The following PLA2G6 variants were observed in gnomAD, a reference collection of about 807,000 sequenced individuals.
PLA2G6 encodes phospholipase A2 group VI.
A neutral mutation model predicts 83.8 loss-of-function variants in PLA2G6; 62 were observed. That is an observed-to-expected ratio of 0.74 (90% confidence interval 0.60 to 0.91). The LOEUF is 0.91. Among genes scored for constraint, PLA2G6 ranks in the 40% least tolerant of loss-of-function variants. The pLI is 0.00. For missense variants in PLA2G6, 944 were observed against 1,102.0 expected (o/e 0.86, Z 2.03); for synonymous variants, 417 against 449.8 (o/e 0.93, Z 0.92).
At chr22:38,127,116 C>T in intron 9 of PLA2G6, 1 of 1,119,400 alleles carries the variant, frequency 8.9e-7, no homozygotes, top group Non-Finnish European at 1.1e-6. Flanking sequence ...CCCCAGGTGC[C>T]TGGTGCAGCA....
intron 2 of PLA2G6, among the ~76,000 whole-genome samples, chr22:38,155,699 A>G (rs1159026204): frequency 6.6e-6 from 1 of 152,222 alleles, no homozygotes; most frequent in Admixed American, 6.5e-5. Flanking sequence ...AAAAAATAAA[A>G]AGCAAGAAAT....
Position 38,128,444 on chromosome 22 carries a change from G to T in PLA2G6, c.1187-14C>A. ...TCCTGGTGACAACTTGTCATGGTTT[G>T]GGGAAGGGGAGATGGCACAGGATCA... On this transcript the variant is annotated splice_polypyrimidine_tract_variant and intron_variant, in intron 8 of 16. Coordinates refer to ENST00000332509, the MANE Select transcript of PLA2G6 (RefSeq NM_003560.4). The surrounding 1 kb of genome is among the most constrained non-coding windows in gnomAD (Gnocchi z 4.4). The T allele has an allele frequency of 6.2e-7, 1 of 1,613,822 alleles. No individual in the cohort carries two copies. Among genetic ancestry groups the T allele is most frequent in the African/African-American group, 1.3e-5 (1 of 75,048 alleles).
At chr22:38,177,458 CT>C (rs72012543) in intron 1 of PLA2G6, among the ~76,000 whole-genome samples, 29,881 of 115,494 alleles carry the variant, frequency 0.26, 3,083 homozygotes, top group South Asian at 0.32. Flanking sequence ...TAAATTGCCA[CT>C]TTTTTTTTTT....
intron 16 of PLA2G6, 56 bp from the exon 17 acceptor site, chr22:38,112,361 C>G: frequency 6.3e-7 from 1 of 1,593,358 alleles, no homozygotes; most frequent in Non-Finnish European, 8.6e-7. Context: ...GGGCAGGGGA[C>G]GCCAGCTAGG....
At chr22:38,143,504 T>G (rs955521237) in intron 3 of PLA2G6, 18 of 639,608 alleles carry the variant, frequency 2.8e-5, no homozygotes, top group Non-Finnish European at 4.0e-5. Context: ...TGCTCACTCG[T>G]ACAAGAGATG....
chr22:38,122,829 C>T (rs992978616), intron 11 of PLA2G6, among the ~76,000 whole-genome samples: 3 of 152,108 alleles, frequency 2.0e-5, no homozygotes, highest in Non-Finnish European at 4.4e-5. Context: ...CGATAGGAAA[C>T]GCTTCCTATG....
intron 2 of PLA2G6, among the ~76,000 whole-genome samples, chr22:38,164,562 G>A (rs1037083365): frequency 5.3e-5 from 8 of 152,162 alleles, no homozygotes; most frequent in East Asian, 1.9e-4. Flanking sequence ...CAGTCTCTCC[G>A]CCCAGCAGCA....
At chr22:38,134,790 T>TC (rs1438616305) in intron 6 of PLA2G6, 198 bp downstream of exon 6, 15 of 587,578 alleles carry the variant, frequency 2.6e-5, no homozygotes, top group African/African-American at 2.4e-4. Flanking sequence ...ACAGGGCGGA[T>TC]CCCCCCGCCC....
At chr22:38,125,597 G>C (rs1418156243) in intron 10 of PLA2G6, 4 of 461,890 alleles carry the variant, frequency 8.7e-6, no homozygotes, top group Non-Finnish European at 1.8e-5. Context: ...AAAGGACGTG[G>C]GTTCGGAAGA....
chr22:38,134,818 G>A, intron 6 of PLA2G6, 170 bp downstream of exon 6: 1 of 607,424 alleles, frequency 1.6e-6, no homozygotes, highest in South Asian at 1.9e-5. Context: ...GAGCAGCAGA[G>A]CCCTGCCAGG....
At chr22:38,165,601 C>T (rs2090182622) in intron 2 of PLA2G6, among the ~76,000 whole-genome samples, 2 of 152,136 alleles carry the variant, frequency 1.3e-5, no homozygotes, top group South Asian at 2.1e-4. Context: ...TGGCCGGGCG[C>T]GGTGGCTCAC....
chr22:38,166,321 A>G (rs1205154965), intron 2 of PLA2G6, among the ~76,000 whole-genome samples: 1 of 152,130 alleles, frequency 6.6e-6, no homozygotes, highest in African/African-American at 2.4e-5. Flanking sequence ...GCCCGTTGCA[A>G]TGATGCTATC....
chr22:38,148,354 G>A (rs2089383691), intron 2 of PLA2G6: 4 of 600,832 alleles, frequency 6.7e-6, no homozygotes, highest in Non-Finnish European at 1.2e-5. Context: ...TTCTCTCTCA[G>A]AACTTCCACT....
chr22:38,112,479 A>G, intron 16 of PLA2G6, 25 bp downstream of exon 16: 1 of 1,546,330 alleles, frequency 6.5e-7, no homozygotes, highest in Non-Finnish European at 8.7e-7. Context: ...CACGGGGCCA[A>G]GGGCTGGGGC....
chr22:38,178,182 G>A (rs1202714826), intron 1 of PLA2G6, among the ~76,000 whole-genome samples: 7 of 152,150 alleles, frequency 4.6e-5, no homozygotes, highest in South Asian at 4.1e-4. Flanking sequence ...CTGGTGGCAC[G>A]GTACAGTGTG....
intron 3 of PLA2G6, 34 bp from the exon 4 acceptor site, chr22:38,143,322 C>T (rs2089035091): frequency 1.2e-6 from 2 of 1,602,658 alleles, no homozygotes. Flanking sequence ...CAGAGGTGAG[C>T]AGGTGTGGTA....
rs369017446 is a variant in PLA2G6 at position 38,151,643 on chromosome 22, AAAT to A, written c.210-5993_210-5991del. 5.4e-4 allele frequency among the ~76,000 whole-genome samples: 83 copies of A among 152,328 alleles called. 1 individual carries two copies. Among genetic ancestry groups the A allele is most frequent in the African/African-American group, 2.0e-3 (82 of 41,582 alleles). On this transcript the variant is annotated intron_variant, in intron 2 of 16. Transcript: ENST00000332509. ...GCAAGTTAAATATGTGGGGGGATCT[AAAT>A]AAGTATTGATGGTATAGCGTCTTGT...
chr22:38,118,236 T>C (rs1014702367), intron 12 of PLA2G6, among the ~76,000 whole-genome samples: 1 of 152,136 alleles, frequency 6.6e-6, no homozygotes, highest in Non-Finnish European at 1.5e-5. Context: ...GGTCAGGCAG[T>C]GTTGATGGGC....
chr22:38,129,256 G>C (rs1334635514), intron 8 of PLA2G6, among the ~76,000 whole-genome samples, 198 bp downstream of exon 8: 1 of 152,238 alleles, frequency 6.6e-6, no homozygotes. Flanking sequence ...GCCCCGTGGT[G>C]GGCCTGCATC....
Sources: gnomAD v4.1 joint callset for allele counts (sites outside exome capture counted in the v4.1 genomes callset) on GRCh38, gnomAD v4.1.1 for gene constraint, Gnocchi (gnomAD v3.1) non-coding constraint, MANE v1.5 for transcripts, NCBI Gene and HGNC (gene_info 2026-07-23, HGNC 2026-07-21) for gene names.